The following LAMA2 variants were observed in gnomAD, a reference collection of about 807,000 sequenced individuals.
LAMA2 encodes laminin subunit alpha 2, also known as laminin subunit alpha-2.
LAMA2 carries 269 observed loss-of-function variants against 364.8 expected under a neutral mutation model. The ratio of observed to expected loss-of-function variants is 0.74; its 90% CI spans 0.67 to 0.82. The LOEUF is 0.82. Ranked by LOEUF, LAMA2 falls within the 40% of genes least tolerant of loss-of-function variation. The pLI, the probability that LAMA2 is intolerant of heterozygous loss-of-function variation, is 0.00. For synonymous variants in LAMA2, 1,379 were observed against 1,370.6 expected, an observed-to-expected ratio of 1.01 and a Z score of -0.14; for missense variants, 3,807 against 3,873.2, an observed-to-expected ratio of 0.98 and a Z score of 0.45.
At chr6:128,929,482 G>C (rs1277624016) in intron 1 of LAMA2, 3 of 838,220 alleles carry the variant, frequency 3.6e-6, no homozygotes, top group Admixed American at 3.4e-5. Context: ...TTGACAGACA[G>C]ACTCTTTATG....
chr6:129,490,217 A>G (rs1395113261), intron 56 of LAMA2, among the ~76,000 whole-genome samples: 1 of 152,218 alleles, frequency 6.6e-6, no homozygotes, highest in Non-Finnish European at 1.5e-5. Flanking sequence ...TCCCTTAATT[A>G]ATATTTTCCG....
At chr6:129,026,418 G>T (rs912265232) in intron 1 of LAMA2, among the ~76,000 whole-genome samples, 2 of 152,082 alleles carry the variant, frequency 1.3e-5, no homozygotes, top group African/African-American at 4.8e-5. Context: ...CACTAAAATT[G>T]AGTCTAACTG....
rs765960304 is a variant in LAMA2 at position 129,146,970 on chromosome 6, G to C, written c.831G>C (p.Ser277=). Residue 277 remains serine, a synonymous_variant, in exon 6 of 65, where the codon TCG becomes TCC. Coordinates refer to ENST00000421865, the MANE Select transcript of LAMA2 (RefSeq NM_000426.4). The stretch of plus-strand genomic sequence containing the variant: ...ATTGCTTTTTGCAGTATTACTACTC[G>C]GTCAAGGATATTTCAGTTGGAGGGA... ...DPIVTRRYYY[S]VKDISVGGMC... is the part of the protein sequence containing the mutation. 1.2e-5 allele frequency: 19 copies of C among 1,608,442 alleles called. No homozygotes were observed. Among genetic ancestry groups the C allele is most frequent in the Non-Finnish European group, 1.6e-5 (19 of 1,175,120 alleles).
chr6:129,328,299 C>A lies in LAMA2; in HGVS notation c.4198C>A (p.Arg1400=). 6.2e-7 allele frequency: 1 copy of A among 1,614,118 alleles called. No individual in the cohort carries two copies. Among genetic ancestry groups the A allele is most frequent in the Non-Finnish European group, 8.5e-7 (1 of 1,179,998 alleles). ...TCAGGCATGCTTGCCGGGATTTTAT[C>A]GACTGCGTTCTCAACCAGGTGGCCG... The part of the protein sequence containing the change: ...SCEACLPGFY[R]LRSQPGGRTP... Residue 1400 remains arginine, a synonymous_variant, in exon 29 of 65, where the codon CGA becomes AGA. Coordinates refer to ENST00000421865, the MANE Select transcript of LAMA2 (RefSeq NM_000426.4).
chr6:128,964,621 T>G (rs1335673900), intron 1 of LAMA2, among the ~76,000 whole-genome samples: 1 of 152,086 alleles, frequency 6.6e-6, no homozygotes, highest in Non-Finnish European at 1.5e-5. Context: ...TGAAGCAACA[T>G]GTTATAGCCT....
intron 12 of LAMA2, among the ~76,000 whole-genome samples, chr6:129,204,406 T>C (rs574810156): frequency 6.5e-4 from 98 of 151,446 alleles, no homozygotes; most frequent in African/African-American, 2.4e-3. Context: ...CAGTATTCTG[T>C]GGCTACAATG....
At chr6:129,284,276 C>T (rs1449496500) in intron 18 of LAMA2, among the ~76,000 whole-genome samples, 1 of 152,042 alleles carries the variant, frequency 6.6e-6, no homozygotes, top group Non-Finnish European at 1.5e-5. Flanking sequence ...GCAGCCCTTT[C>T]ACTCCTCCAT....
chr6:129,086,106 C>T (rs1426162990), intron 3 of LAMA2, among the ~76,000 whole-genome samples: 4 of 152,142 alleles, frequency 2.6e-5, no homozygotes, highest in East Asian at 1.9e-4. Flanking sequence ...AAACTGTTGG[C>T]GGAATGCTCT....
At chr6:129,117,562 T>C (rs1776548149) in intron 4 of LAMA2, among the ~76,000 whole-genome samples, 1 of 152,204 alleles carries the variant, frequency 6.6e-6, no homozygotes, top group South Asian at 2.1e-4. Context: ...TTCTGTGTGG[T>C]TAAAGTACAG....
chr6:129,116,806 C>G (rs9492240), intron 4 of LAMA2, among the ~76,000 whole-genome samples: 38,903 of 151,510 alleles, frequency 0.26, 5,775 homozygotes, highest in African/African-American at 0.42. Context: ...TTTTTCTTAT[C>G]CATAGCAAGG....
intron 37 of LAMA2, among the ~76,000 whole-genome samples, chr6:129,397,550 T>A (rs201073825): frequency 6.6e-6 from 1 of 152,136 alleles, no homozygotes; most frequent in Non-Finnish European, 1.5e-5. Context: ...AGATACTCTA[T>A]ACTTTTGTCA....
At chr6:129,359,254 A>G (rs183324006) in intron 32 of LAMA2, among the ~76,000 whole-genome samples, 1 of 140,882 alleles carries the variant, frequency 7.1e-6, no homozygotes, top group East Asian at 2.0e-4. Context: ...TATTTAATAT[A>G]TATAAAACAC....
intron 13 of LAMA2, among the ~76,000 whole-genome samples, chr6:129,251,040 T>TCTCTC (rs1786157674): frequency 1.6e-5 from 1 of 61,678 alleles, no homozygotes; most frequent in Non-Finnish European, 3.0e-5. Context: ...GTCTCTCTCT[T>TCTCTC]TCTCTCTCTC....
intron 42 of LAMA2, 135 bp from the exon 43 acceptor site, chr6:129,440,681 T>C (rs1476793110): frequency 5.0e-6 from 4 of 807,284 alleles, no homozygotes; most frequent in Non-Finnish European, 6.4e-6. Flanking sequence ...TACACCTGAA[T>C]GAGACAAAGT....
intron 34 of LAMA2, among the ~76,000 whole-genome samples, chr6:129,378,546 G>T (rs1245939126): frequency 1.3e-5 from 2 of 152,176 alleles, no homozygotes; most frequent in African/African-American, 4.8e-5. Flanking sequence ...GTTCTGATAT[G>T]ATTTTGAAAT....
intron 1 of LAMA2, among the ~76,000 whole-genome samples, chr6:129,040,419 G>C (rs1787005461): frequency 6.6e-6 from 1 of 151,980 alleles, no homozygotes; most frequent in African/African-American, 2.4e-5. Context: ...CCAGGAGTTT[G>C]AGATAAACTT....
chr6:129,487,699 T>TTTATTA (rs922359895), intron 56 of LAMA2, among the ~76,000 whole-genome samples: 3 of 152,028 alleles, frequency 2.0e-5, no homozygotes, highest in Admixed American at 6.6e-5. Context: ...TTCCTCAGTT[T>TTTATTA]TTATTATTAT....
intron 4 of LAMA2, among the ~76,000 whole-genome samples, chr6:129,105,493 T>A (rs1675578495): frequency 6.6e-6 from 1 of 152,220 alleles, no homozygotes; most frequent in South Asian, 2.1e-4. Flanking sequence ...TTAAGCCCTA[T>A]GTATATTTTA....
intron 53 of LAMA2, among the ~76,000 whole-genome samples, chr6:129,478,119 T>G (rs1054824279): frequency 2.0e-5 from 3 of 152,134 alleles, no homozygotes; most frequent in South Asian, 2.1e-4. Context: ...TAAACATCTG[T>G]TTTTTAGACT....
Sources: allele counts gnomAD v4.1 joint callset (sites outside exome capture counted in the v4.1 genomes callset), GRCh38; gene constraint gnomAD v4.1.1; transcripts MANE v1.5; gene names NCBI Gene and HGNC (gene_info 2026-07-23, HGNC 2026-07-21).